Variants in R3HDM1 observed in about 807,000 individuals in gnomAD.
R3HDM1 encodes R3H domain containing 1, also known as R3H domain-containing protein 1.
A neutral mutation model predicts 141.1 loss-of-function variants in R3HDM1; 46 were observed. The ratio of observed to expected loss-of-function variants is 0.33; its 90% confidence interval spans 0.26 to 0.42. The LOEUF (loss-of-function observed/expected upper bound fraction) is 0.42. R3HDM1 is among the 10% of genes least tolerant of loss of function. R3HDM1 has a pLI of 1.00. For missense variants in R3HDM1, 1,184 were observed against 1,368.3 expected (o/e 0.87, Z 2.12); for synonymous variants, 435 against 472.9 (o/e 0.92, Z 1.04).
In R3HDM1 at chr2:135,698,711, A is replaced by C. The variant is rs146029145; in HGVS notation, c.2460-10722A>C. On this transcript the variant is annotated intron_variant, in intron 21 of 26. Coordinates refer to ENST00000683871, the MANE Select transcript of R3HDM1 (RefSeq NM_001378107.1). ...GTGGCTTCTAGGGAGGCCTCGGGAA[A>C]CTTCAATTATGGCAGAAGGCAAGAG... is the stretch of plus-strand genomic sequence containing the variant. 1.7e-3 allele frequency among the ~76,000 whole-genome samples: 264 copies of C among 152,238 alleles called. 7 individuals are homozygous for C. In the South Asian group the frequency reaches 0.033, roughly 19 times the overall value.
intron 1 of R3HDM1, among the ~76,000 whole-genome samples, chr2:135,549,227 A>ATGGTT (rs1699332781): frequency 6.6e-6 from 1 of 152,064 alleles, no homozygotes; most frequent in Admixed American, 6.6e-5. Context: ...CACATATTGT[A>ATGGTT]TGGTTTGGTT....
chr2:135,685,279 C>T (rs2071139532), intron 21 of R3HDM1, among the ~76,000 whole-genome samples: 1 of 152,134 alleles, frequency 6.6e-6, no homozygotes, highest in Admixed American at 6.5e-5. Flanking sequence ...GTGTTTCTCT[C>T]CTGGTTTCTG....
At position 135,590,763 on chromosome 2, in the gene R3HDM1, G is replaced by A. The variant is rs904132926; in HGVS notation, c.-249-11737G>A. 3.1e-6 allele frequency: 3 copies of A among 973,666 alleles called. No homozygotes were observed. The African/African-American group carries it at 5.3e-5, about 17-fold the overall frequency. The allele number at this position is 973,666 out of a possible 1,614,324, so 60.3% of individuals were successfully genotyped here. On this transcript the variant is annotated intron_variant, in intron 1 of 26. Transcript: ENST00000683871. ...GCTGTAAAATTGTTTGCACTTTGTT[G>A]TACACATCCTTTTATAGAGTATGAA...
chr2:135,702,327 C>T (rs1319333136), intron 21 of R3HDM1, among the ~76,000 whole-genome samples: 10 of 151,248 alleles, frequency 6.6e-5, no homozygotes. Flanking sequence ...GTTTTGAGAC[C>T]AGCCTGGCCA....
chr2:135,695,461 A>G, intron 21 of R3HDM1, among the ~76,000 whole-genome samples: 1 of 152,142 alleles, frequency 6.6e-6, no homozygotes, highest in Non-Finnish European at 1.5e-5. Flanking sequence ...GAGAAAAGGG[A>G]AAAAAAATAT....
intron 9 of R3HDM1, 95 bp from the exon 10 acceptor site, chr2:135,635,795 T>C: frequency 6.9e-7 from 1 of 1,443,792 alleles, no homozygotes; most frequent in Non-Finnish European, 9.2e-7. Context: ...TGGTAACTTA[T>C]TTTATTTCTT....
chr2:135,649,585 G>A (rs1212361885), intron 16 of R3HDM1, among the ~76,000 whole-genome samples: 2 of 152,060 alleles, frequency 1.3e-5, no homozygotes, highest in Non-Finnish European at 2.9e-5. Context: ...CTTAACCCGG[G>A]GGTCTTTGTT....
At chr2:135,636,241 G>T in intron 11 of R3HDM1, 58 bp downstream of exon 11, 1 of 1,544,526 alleles carries the variant, frequency 6.5e-7, no homozygotes, top group South Asian at 1.3e-5. Context: ...ACGTTGTAGG[G>T]TCTCAGTCTC....
intron 21 of R3HDM1, among the ~76,000 whole-genome samples, chr2:135,683,855 T>A (rs1481662318): frequency 6.6e-6 from 1 of 152,084 alleles, no homozygotes; most frequent in East Asian, 1.9e-4. Flanking sequence ...TTATCCTACA[T>A]ATTTCAGTAT....
intron 19 of R3HDM1, among the ~76,000 whole-genome samples, chr2:135,666,674 GTA>G (rs2067547315): frequency 6.6e-6 from 1 of 152,090 alleles, no homozygotes; most frequent in Admixed American, 6.6e-5. Context: ...TTTTGTATAT[GTA>G]TATGTTTATT....
chr2:135,651,811 A>T lies in R3HDM1; in HGVS notation c.1807A>T (p.Met603Leu), dbSNP rs777533862. The T allele has an allele frequency of 3.1e-6, 5 of 1,613,952 alleles. No homozygotes were observed. The highest frequency in any genetic ancestry group is 8.5e-7 in the Non-Finnish European group (1 of 1,180,010). The change falls in exon 18 of 27, where the codon ATG becomes TTG. Residue 603 changes from methionine (M) to leucine (L), a missense_variant. By Grantham distance (15) the Met-to-Leu change is conservative. Coordinates refer to ENST00000683871, the MANE Select transcript of R3HDM1 (RefSeq NM_001378107.1). ...SADGSDPHAA[M>L]FQSTVVLQSP... ...TGATGGTTCTGACCCTCATGCCGCC[A>T]TGTTCCAGTCCACTGTGGTTCTTCA...
At chr2:135,532,987 TA>T (rs1264538044) in intron 1 of R3HDM1, among the ~76,000 whole-genome samples, 1 of 152,230 alleles carries the variant, frequency 6.6e-6, no homozygotes, top group African/African-American at 2.4e-5. Flanking sequence ...GTTAGCAGAA[TA>T]AACTTGGGTT....
At chr2:135,541,871 A>G (rs1322199624) in intron 1 of R3HDM1, among the ~76,000 whole-genome samples, 15 of 143,740 alleles carry the variant, frequency 1.0e-4, no homozygotes, top group African/African-American at 3.3e-4. Flanking sequence ...AAAAAAAAAA[A>G]GAAAGAAAGA....
At chr2:135,679,628 T>A (rs2069874805) in intron 20 of R3HDM1, among the ~76,000 whole-genome samples, 1 of 152,230 alleles carries the variant, frequency 6.6e-6, no homozygotes, top group African/African-American at 2.4e-5. Context: ...TTTTCATAAT[T>A]TAACCTTTTC....
chr2:135,575,641 C>T (rs1489959892), intron 1 of R3HDM1, among the ~76,000 whole-genome samples: 2 of 152,092 alleles, frequency 1.3e-5, no homozygotes. Context: ...CAGACAGTAG[C>T]CAGTTAGCAG....
chr2:135,555,239 G>A (rs189714317), intron 1 of R3HDM1, among the ~76,000 whole-genome samples: 2 of 150,910 alleles, frequency 1.3e-5, no homozygotes, highest in Middle Eastern at 3.4e-3. Context: ...GGAGATTGTA[G>A]TGAGCCGAGA....
chr2:135,631,748 A>G lies in R3HDM1; in HGVS notation c.528A>G (p.Gln176=), dbSNP rs1310793246. 1 of 1,570,630 alleles carries G rather than the reference A, an allele frequency of 6.4e-7. No individual in the cohort carries two copies. Among genetic ancestry groups the G allele is most frequent in the Non-Finnish European group, 8.6e-7 (1 of 1,163,714 alleles). The change falls in exon 8 of 27, where the codon CAA becomes CAG. Residue 176 remains glutamine (Q), a synonymous_variant. Coordinates refer to ENST00000683871, the MANE Select transcript of R3HDM1 (RefSeq NM_001378107.1). ...GAATGATGCTGCTGAAATTGGAACA[A>G]GAAATTTTAGATTTCATTGGTAATA... ...RDRMMLLKLE[Q]EILDFIGNNE... is the part of the protein sequence containing the mutation.
chr2:135,558,053 A>G (rs1027372387), intron 1 of R3HDM1, among the ~76,000 whole-genome samples: 9 of 152,260 alleles, frequency 5.9e-5, no homozygotes, highest in African/African-American at 2.2e-4. Context: ...GCTAAAAGTA[A>G]TAAAACATTA....
At chr2:135,538,428 A>G (rs1043380061) in intron 1 of R3HDM1, among the ~76,000 whole-genome samples, 32 of 152,320 alleles carry the variant, frequency 2.1e-4, no homozygotes, top group Middle Eastern at 6.8e-3. Context: ...TAAATTTATA[A>G]AATATTTTTC....
Sources: gnomAD v4.1 joint callset for allele counts (sites outside exome capture counted in the v4.1 genomes callset) on GRCh38, gnomAD v4.1.1 for gene constraint, MANE v1.5 for transcripts, NCBI Gene and HGNC (gene_info 2026-07-23, HGNC 2026-07-21) for gene names.